Variants in SYNPR observed in about 807,000 individuals in gnomAD.
SYNPR encodes the protein synaptoporin.
In SYNPR, 23 loss-of-function variants were observed where a neutral mutation model predicts 32.9. The ratio of observed to expected loss-of-function variants is 0.70; its 90% CI spans 0.50 to 0.99. The LOEUF is 0.99. SYNPR is among the 50% of genes least tolerant of loss of function. The pLI is 0.00. For missense variants in SYNPR, 318 were observed against 349.3 expected, an observed-to-expected ratio of 0.91 and a Z score of 0.71; for synonymous variants, 146 against 135.9, an observed-to-expected ratio of 1.07 and a Z score of -0.52.
chr3:63,413,956 G>T (rs1038841750), intron 2 of SYNPR, among the ~76,000 whole-genome samples: 43 of 151,866 alleles, frequency 2.8e-4, no homozygotes, highest in African/African-American at 1.0e-3. Flanking sequence ...ACAGTTGGGT[G>T]TGAGTATAAG....
chr3:63,578,525 G>A (rs183737354), intron 4 of SYNPR, among the ~76,000 whole-genome samples: 1 of 152,210 alleles, frequency 6.6e-6, no homozygotes, highest in East Asian at 1.9e-4. Context: ...GGAGGTGTGA[G>A]AGTGGAAGCT....
the SYNPR span, among the ~76,000 whole-genome samples, chr3:63,203,849 A>G: frequency 6.6e-6 from 1 of 152,060 alleles, no homozygotes; most frequent in Non-Finnish European, 1.5e-5. Context: ...AATACAAAAA[A>G]TTAGCTGGAA....
chr3:63,408,200 G>A lies in SYNPR; in HGVS notation c.85-72632G>A, dbSNP rs1184823222. On this transcript the variant is annotated intron_variant, in intron 2 of 5. Transcript: ENST00000478300. ...AAAGAAAGAAAGAAAGAAAGAGGAA[G>A]GAAGGAAGGAAGGAAGGAAGGAAGG... 2.2e-3 allele frequency among the ~76,000 whole-genome samples: 98 copies of A among 43,568 alleles called. 1 individual carries two copies. The highest frequency in any genetic ancestry group is 2.9e-3 in the South Asian group (3 of 1,046). 28.6% of individuals were successfully genotyped at this position (43,568 alleles called of 152,430 possible). A position where few individuals can be genotyped will look rare whatever the true frequency, so the allele number is the denominator to read the frequency against.
At chr3:63,254,835 G>A (rs986865428) in intron 2 of SYNPR, among the ~76,000 whole-genome samples, 1 of 152,094 alleles carries the variant, frequency 6.6e-6, no homozygotes, top group African/African-American at 2.4e-5. Context: ...TATAATGAAA[G>A]CATTAGGGTG....
In SYNPR at chr3:63,599,642, G is replaced by A. The variant is rs1233751704; in HGVS notation, c.409-9483G>A. On this transcript the variant is annotated intron_variant, in intron 4 of 5. Coordinates refer to ENST00000478300, the MANE Select transcript of SYNPR (RefSeq NM_001130003.2). ...TTTTTTTCAGAACGTATCCCTGTCG[G>A]TTAAGTGACAGATGACGGTATTTCA... Among the ~76,000 whole-genome samples the A allele has an allele frequency of 2.0e-5, 3 of 152,268 alleles. No homozygotes were observed. In the East Asian group the frequency reaches 5.8e-4, roughly 29 times the overall value.
At chr3:63,278,606 C>T (rs2086598690) in intron 1 of SYNPR, 55 bp downstream of exon 1, 12 of 1,550,512 alleles carry the variant, frequency 7.7e-6, no homozygotes, top group African/African-American at 1.4e-5. Flanking sequence ...GGGGATGCCG[C>T]GGCTTGGGAG....
At chr3:63,601,748 T>A (rs143128889) in intron 4 of SYNPR, among the ~76,000 whole-genome samples, 1 of 152,100 alleles carries the variant, frequency 6.6e-6, no homozygotes, top group Non-Finnish European at 1.5e-5. Context: ...CTAGTGTAGG[T>A]TGATTCCATG....
intron 2 of SYNPR, among the ~76,000 whole-genome samples, chr3:63,328,216 T>A (rs1411294862): frequency 6.6e-6 from 1 of 152,180 alleles, no homozygotes; most frequent in Non-Finnish European, 1.5e-5. Flanking sequence ...AGAAAAACTG[T>A]GATATTCACA....
intron 2 of SYNPR, among the ~76,000 whole-genome samples, chr3:63,367,558 G>A (rs1422630120): frequency 1.3e-5 from 2 of 151,952 alleles, no homozygotes; most frequent in Non-Finnish European, 2.9e-5. Context: ...GTTTTACCAT[G>A]TTGCCCAGCC....
chr3:63,456,467 A>G (rs1190671001), intron 2 of SYNPR, among the ~76,000 whole-genome samples: 3 of 152,114 alleles, frequency 2.0e-5, no homozygotes, highest in Non-Finnish European at 4.4e-5. Flanking sequence ...TAAGGATTAC[A>G]GTTTCCATTT....
intron 3 of SYNPR, among the ~76,000 whole-genome samples, chr3:63,515,649 A>G (rs567176121): frequency 6.6e-6 from 1 of 152,256 alleles, no homozygotes; most frequent in Admixed American, 6.5e-5. Context: ...AGGTTAAGAC[A>G]TGTGTATTGT....
the SYNPR span, among the ~76,000 whole-genome samples, chr3:63,219,977 T>TA: frequency 6.6e-6 from 1 of 152,224 alleles, no homozygotes; most frequent in South Asian, 2.1e-4. Context: ...CTGTATTTTT[T>TA]AAAAAGCCAC....
intron 2 of SYNPR, among the ~76,000 whole-genome samples, chr3:63,429,791 T>C (rs1200346772): frequency 6.6e-6 from 1 of 152,200 alleles, no homozygotes; most frequent in Admixed American, 6.5e-5. Context: ...TGCTTTCAAG[T>C]TCTTCTTTCT....
intron 2 of SYNPR, among the ~76,000 whole-genome samples, chr3:63,368,561 T>C (rs958080649): frequency 2.6e-5 from 4 of 152,044 alleles, no homozygotes; most frequent in Non-Finnish European, 5.9e-5. Flanking sequence ...TTAAGATTAA[T>C]GGGGAAGGAA....
At chr3:63,527,179 G>C (rs747418292) in intron 3 of SYNPR, among the ~76,000 whole-genome samples, 19 of 152,074 alleles carry the variant, frequency 1.2e-4, no homozygotes, top group Non-Finnish European at 2.6e-4. Flanking sequence ...AACTGATTTA[G>C]GGAAATGATC....
chr3:63,282,569 G>A (rs1050060828), intron 2 of SYNPR, among the ~76,000 whole-genome samples: 4 of 151,790 alleles, frequency 2.6e-5, no homozygotes, highest in African/African-American at 9.7e-5. Context: ...TATAGCCCCA[G>A]CTACTTCTGA....
chr3:63,317,797 T>G (rs115849601), intron 2 of SYNPR, among the ~76,000 whole-genome samples: 3,500 of 152,006 alleles, frequency 0.023, 135 homozygotes, highest in African/African-American at 0.079. Flanking sequence ...TACTTTGTGG[T>G]TTTTGTTTGT....
intron 3 of SYNPR, among the ~76,000 whole-genome samples, chr3:63,268,953 T>C (rs1340529863): frequency 6.6e-6 from 1 of 152,236 alleles, no homozygotes; most frequent in South Asian, 2.1e-4. Context: ...TCACAGGAAA[T>C]ATTTGTGAAG....
At chr3:63,530,656 C>T (rs1702096006) in intron 3 of SYNPR, among the ~76,000 whole-genome samples, 1 of 152,096 alleles carries the variant, frequency 6.6e-6, no homozygotes, top group Admixed American at 6.5e-5. Context: ...TGGTTTAGTG[C>T]AGATTCTCAT....
Sources: allele counts gnomAD v4.1 joint callset (sites outside exome capture counted in the v4.1 genomes callset), GRCh38; gene constraint gnomAD v4.1.1; transcripts MANE v1.5; gene names NCBI Gene and HGNC (gene_info 2026-07-23, HGNC 2026-07-21).